UBR1: variants seen among roughly 807,000 people sequenced by gnomAD.
The protein encoded by UBR1 is E3 ubiquitin-protein ligase UBR1.
Under a neutral mutation model 242.1 loss-of-function variants are expected in UBR1, and 102 were observed. The ratio of observed to expected loss-of-function variants is 0.42; its 90% CI spans 0.36 to 0.50. UBR1 has a LOEUF of 0.50. Among genes scored for constraint, UBR1 ranks in the 20% least tolerant of loss-of-function variants. UBR1 has a pLI of 0.01. For synonymous variants in UBR1, 675 were observed against 684.8 expected (o/e 0.99, Z 0.22); for missense variants, 1,772 against 2,101.8 (o/e 0.84, Z 3.07).
At position 42,943,126 on chromosome 15, in the gene UBR1, T is replaced by C. The variant is rs1469007408; in HGVS notation, c.*2203A>G. ...TTGTTATGAAATGACAAATGACCAC[T>C]AAAAGGTGAACTCACAGCCCATACA... is the stretch of plus-strand genomic sequence containing the variant. On this transcript the variant is annotated 3_prime_UTR_variant, in exon 47 of 47. Coordinates refer to ENST00000290650, the MANE Select transcript of UBR1 (RefSeq NM_174916.3). 2.0e-5 allele frequency: 3 copies of C among 152,554 alleles called. No homozygotes were observed. Among genetic ancestry groups the C allele is most frequent in the East Asian group, 3.9e-4 (2 of 5,190 alleles). 9.5% of individuals were successfully genotyped at this position (152,554 alleles called of 1,614,324 possible).
intron 1 of UBR1, among the ~76,000 whole-genome samples, chr15:43,103,733 G>A (rs918196755): frequency 6.6e-5 from 10 of 152,196 alleles, no homozygotes; most frequent in African/African-American, 2.4e-4. Context: ...CCAGGGATTA[G>A]ACTCTAATGG....
intron 27 of UBR1, 25 bp from the exon 28 acceptor site, chr15:43,017,206 A>T: frequency 1.3e-6 from 2 of 1,565,858 alleles, no homozygotes; most frequent in Non-Finnish European, 1.8e-6. Context: ...TGAAACGTTA[A>T]AAGAGTTAGT....
At chr15:42,982,518 C>T (rs1347103379) in intron 37 of UBR1, among the ~76,000 whole-genome samples, 1 of 152,060 alleles carries the variant, frequency 6.6e-6, no homozygotes, top group East Asian at 1.9e-4. Flanking sequence ...TCAGGAGACA[C>T]CTGGAAGTTA....
At chr15:43,048,291 A>G (rs1408158193) in intron 13 of UBR1, 101 bp downstream of exon 13, 7 of 841,820 alleles carry the variant, frequency 8.3e-6, no homozygotes, top group Non-Finnish European at 1.3e-5. Context: ...TTTGCTAGAT[A>G]AATTCTTTCT....
intron 12 of UBR1, among the ~76,000 whole-genome samples, chr15:43,054,514 T>G (rs1457659812): frequency 3.3e-5 from 5 of 152,196 alleles, no homozygotes; most frequent in African/African-American, 2.4e-5. Context: ...CAAGTTCCTG[T>G]AATGGGCCTC....
At chr15:43,035,039 C>T (rs1225784101) in intron 19 of UBR1, among the ~76,000 whole-genome samples, 1 of 152,032 alleles carries the variant, frequency 6.6e-6, no homozygotes, top group Non-Finnish European at 1.5e-5. Context: ...AAGACCTCTT[C>T]AGTAATAGAC....
intron 36 of UBR1, among the ~76,000 whole-genome samples, 195 bp downstream of exon 36, chr15:42,984,692 G>A (rs1396135914): frequency 6.6e-6 from 1 of 152,188 alleles, no homozygotes; most frequent in East Asian, 1.9e-4. Flanking sequence ...CTTAACCTCT[G>A]AGATTGAGTA....
chr15:43,065,109 T>C (rs888030973), intron 6 of UBR1, among the ~76,000 whole-genome samples: 1 of 152,216 alleles, frequency 6.6e-6, no homozygotes, highest in Non-Finnish European at 1.5e-5. Context: ...ATAAGCCTGA[T>C]TAACCTTTAA....
intron 10 of UBR1, among the ~76,000 whole-genome samples, chr15:43,057,557 G>A (rs2141335333): frequency 6.6e-6 from 1 of 152,288 alleles, no homozygotes; most frequent in African/African-American, 2.4e-5. Flanking sequence ...ATACAGTAAG[G>A]TAAGAGATAC....
chr15:43,075,858 G>C (rs1347904214), intron 3 of UBR1, among the ~76,000 whole-genome samples: 1 of 151,766 alleles, frequency 6.6e-6, no homozygotes, highest in Non-Finnish European at 1.5e-5. Flanking sequence ...CAGGTGATCC[G>C]CCCGCCTCAG....
At chr15:43,040,433 T>G (rs2033402259) in intron 15 of UBR1, among the ~76,000 whole-genome samples, 1 of 152,148 alleles carries the variant, frequency 6.6e-6, no homozygotes, top group Admixed American at 6.5e-5. Context: ...TCCTTACACC[T>G]TATACAAAAA....
chr15:43,047,741 G>A (rs2033503423), intron 13 of UBR1, among the ~76,000 whole-genome samples: 1 of 152,074 alleles, frequency 6.6e-6, no homozygotes, highest in African/African-American at 2.4e-5. Flanking sequence ...AAGGGTGAGG[G>A]AGCCAAAAAA....
chr15:43,084,782 C>G (rs988072216), intron 2 of UBR1, among the ~76,000 whole-genome samples: 2 of 152,064 alleles, frequency 1.3e-5, no homozygotes, highest in Non-Finnish European at 2.9e-5. Context: ...GAGAAAAGAA[C>G]AGAATAAAGA....
intron 1 of UBR1, among the ~76,000 whole-genome samples, chr15:43,101,772 A>G (rs146042808): frequency 0.044 from 6,695 of 151,838 alleles, 499 homozygotes; most frequent in African/African-American, 0.15. Context: ...TTCAAGACCA[A>G]CCTGGCCAAC....
chr15:42,964,273 C>G (rs1327991313), intron 41 of UBR1, among the ~76,000 whole-genome samples: 3 of 152,040 alleles, frequency 2.0e-5, no homozygotes, highest in Non-Finnish European at 4.4e-5. Context: ...AGTTCAAGAC[C>G]AGCCTGACCA....
intron 32 of UBR1, among the ~76,000 whole-genome samples, chr15:42,998,912 T>C (rs1384164301): frequency 1.3e-5 from 2 of 150,260 alleles, no homozygotes; most frequent in Non-Finnish European, 1.5e-5. Context: ...AACATGATCA[T>C]GGGGTTCCAA....
chr15:42,986,781 C>T (rs992602327), intron 35 of UBR1, among the ~76,000 whole-genome samples: 1 of 152,256 alleles, frequency 6.6e-6, no homozygotes, highest in African/African-American at 2.4e-5. Flanking sequence ...CCACAGCTCC[C>T]TCCACCAGGC....
chr15:42,960,187 A>G (rs890880411), intron 43 of UBR1, among the ~76,000 whole-genome samples: 3 of 152,186 alleles, frequency 2.0e-5, no homozygotes, highest in African/African-American at 7.2e-5. Context: ...CTTAAGGGAG[A>G]TAAGAGGGCT....
rs369064981 is a variant in UBR1 at position 42,963,906 on chromosome 15, C to A, written c.4700+29G>T. 1.9e-4 allele frequency: 281 copies of A among 1,511,556 alleles called. 3 individuals are homozygous for A. The highest frequency in any genetic ancestry group is 1.2e-5 in the Non-Finnish European group (13 of 1,087,616). 93.6% of individuals were successfully genotyped at this position (1,511,556 alleles called of 1,614,324 possible). On this transcript the variant is annotated intron_variant, in intron 42 of 46. Coordinates refer to ENST00000290650, the MANE Select transcript of UBR1 (RefSeq NM_174916.3). ...TTAAAATTTCAAATTGTATAATAACCCAACAACAATATTTTATCCCCATAG... is the reference window on the plus strand; with the variant it reads ...TTAAAATTTCAAATTGTATAATAACACAACAACAATATTTTATCCCCATAG...
Sources: allele counts gnomAD v4.1 joint callset (sites outside exome capture counted in the v4.1 genomes callset), GRCh38; gene constraint gnomAD v4.1.1; transcripts MANE v1.5; gene names NCBI Gene and HGNC (gene_info 2026-07-23, HGNC 2026-07-21).